Variants in GRID2 observed in about 807,000 individuals in gnomAD.
GRID2 encodes glutamate ionotropic receptor delta type subunit 2.
A neutral mutation model predicts 114.8 loss-of-function variants in GRID2; 33 were observed. That is an observed-to-expected ratio of 0.29 (90% CI 0.22 to 0.38). The LOEUF is 0.38. GRID2 is among the 10% of genes least tolerant of loss of function. The pLI is 1.00. For synonymous variants in GRID2, 505 were observed against 449.9 expected (o/e 1.12, Z -1.55); for missense variants, 1,184 against 1,257.7 (o/e 0.94, Z 0.89).
intron 1 of GRID2, among the ~76,000 whole-genome samples, chr4:92,384,971 G>C (rs9997861): frequency 0.66 from 99,470 of 150,582 alleles, 33,253 homozygotes; most frequent in East Asian, 0.92. Context: ...CAATGGGCTT[G>C]TCACATTTAC....
intron 4 of GRID2, among the ~76,000 whole-genome samples, chr4:93,183,523 T>C (rs1740105161): frequency 6.6e-6 from 1 of 152,208 alleles, no homozygotes; most frequent in Non-Finnish European, 1.5e-5. Flanking sequence ...TTAGGGATTC[T>C]TCATGGCACC....
chr4:93,748,999 G>C (rs1732085253), intron 14 of GRID2, among the ~76,000 whole-genome samples: 1 of 146,402 alleles, frequency 6.8e-6, no homozygotes, highest in Admixed American at 7.2e-5. Context: ...ACATCATTTG[G>C]CCTCAGCTCA....
intron 2 of GRID2, among the ~76,000 whole-genome samples, chr4:92,596,682 C>G (rs574939619): frequency 6.6e-6 from 1 of 151,602 alleles, no homozygotes; most frequent in Non-Finnish European, 1.5e-5. Flanking sequence ...AGAGACAACA[C>G]CAATATGCAT....
At chr4:92,445,133 A>G (rs1733383806) in intron 1 of GRID2, among the ~76,000 whole-genome samples, 1 of 152,230 alleles carries the variant, frequency 6.6e-6, no homozygotes, top group Admixed American at 6.5e-5. Context: ...ATTATTTCAC[A>G]TCTCTTAACT....
intron 13 of GRID2, among the ~76,000 whole-genome samples, chr4:93,518,012 TATACATAC>T (rs1189799969): frequency 2.9e-4 from 13 of 45,200 alleles, no homozygotes; most frequent in African/African-American, 8.0e-4. Context: ...TATGTATGTA[TATACATAC>T]ATGTACATGT....
chr4:92,920,318 G>C (rs550850600), intron 2 of GRID2, among the ~76,000 whole-genome samples: 13 of 152,194 alleles, frequency 8.5e-5, no homozygotes, highest in South Asian at 2.1e-4. Flanking sequence ...CAGACTGTGT[G>C]TTTTAATTGG....
intron 13 of GRID2, among the ~76,000 whole-genome samples, chr4:93,537,183 CTTAG>C (rs752123057): frequency 1.3e-5 from 2 of 151,680 alleles, no homozygotes; most frequent in African/African-American, 2.4e-5. Context: ...CATAACTTTC[CTTAG>C]TTAGTTAAAC....
intron 8 of GRID2, among the ~76,000 whole-genome samples, chr4:93,379,349 G>A (rs1286131070): frequency 6.6e-6 from 1 of 152,016 alleles, no homozygotes. Context: ...TTTGAGGAGG[G>A]TTGCACTTTT....
At chr4:93,517,626 A>G (rs191255178) in intron 13 of GRID2, among the ~76,000 whole-genome samples, 4 of 152,188 alleles carry the variant, frequency 2.6e-5, no homozygotes, top group East Asian at 1.9e-4. Flanking sequence ...GCCAGCTTCT[A>G]TTAAAAAAAC....
intron 8 of GRID2, among the ~76,000 whole-genome samples, chr4:93,312,396 C>G (rs1756113654): frequency 6.6e-6 from 1 of 152,138 alleles, no homozygotes; most frequent in Non-Finnish European, 1.5e-5. Context: ...TAAATTTCCT[C>G]CAGACATAGC....
chr4:92,317,788 A>G (rs1482178040), intron 1 of GRID2, among the ~76,000 whole-genome samples: 1 of 152,194 alleles, frequency 6.6e-6, no homozygotes, highest in Non-Finnish European at 1.5e-5. Flanking sequence ...CCACCAAAGA[A>G]GAATAAGCTG....
intron 2 of GRID2, among the ~76,000 whole-genome samples, chr4:92,618,147 G>A (rs1197568254): frequency 6.6e-6 from 1 of 151,518 alleles, no homozygotes; most frequent in Non-Finnish European, 1.5e-5. Context: ...ATATTTTCTA[G>A]TCTTACATTT....
At chr4:92,510,325 G>A (rs952486141) in intron 1 of GRID2, among the ~76,000 whole-genome samples, 2 of 151,828 alleles carry the variant, frequency 1.3e-5, no homozygotes, top group Non-Finnish European at 2.9e-5. Flanking sequence ...TGAGGAGCTC[G>A]TATTTGAATT....
chr4:92,803,328 A>G (rs977807147), intron 2 of GRID2, among the ~76,000 whole-genome samples: 1 of 151,988 alleles, frequency 6.6e-6, no homozygotes, highest in Non-Finnish European at 1.5e-5. Flanking sequence ...CCCATTAGAT[A>G]TTATACAATG....
intron 4 of GRID2, among the ~76,000 whole-genome samples, chr4:93,171,798 A>G (rs1408097677): frequency 1.3e-5 from 2 of 151,808 alleles, no homozygotes; most frequent in Non-Finnish European, 2.9e-5. Context: ...TTAGCATTAT[A>G]TAACTAATTA....
At chr4:93,521,012 T>C (rs573172860) in intron 13 of GRID2, among the ~76,000 whole-genome samples, 100 of 152,178 alleles carry the variant, frequency 6.6e-4, no homozygotes, top group African/African-American at 2.2e-3. Context: ...AGAGTGATTA[T>C]GGTGAAAGTG....
intron 13 of GRID2, among the ~76,000 whole-genome samples, chr4:93,603,960 A>G (rs1739951486): frequency 6.6e-6 from 1 of 152,110 alleles, no homozygotes; most frequent in Admixed American, 6.5e-5. Context: ...TCCGATGGGG[A>G]TGTACAAGGA....
intron 2 of GRID2, among the ~76,000 whole-genome samples, chr4:92,600,071 T>TATAC (rs1729152223): frequency 7.4e-6 from 1 of 135,556 alleles, no homozygotes; most frequent in African/African-American, 2.7e-5. Context: ...TATATATATA[T>TATAC]ATATATATAT....
At position 93,224,656 on chromosome 4, in the gene GRID2, A is replaced by C; in HGVS notation, c.1006A>C (p.Asn336His). 6.2e-7 allele frequency: 1 copy of C among 1,611,544 alleles called. No homozygotes were observed. Among genetic ancestry groups the C allele is most frequent in the Non-Finnish European group, 8.5e-7 (1 of 1,177,958 alleles). The change falls in exon 7 of 16, where the codon AAT becomes CAT. Residue 336 changes from asparagine to histidine, a missense_variant. Asn to His is a moderately conservative substitution (Grantham distance 68, BLOSUM62 1). Coordinates refer to ENST00000282020, the MANE Select transcript of GRID2 (RefSeq NM_001510.4). ...YIYDTVLLLA[N>H]AFHKKLEDRK... ...ATATGACACGGTGCTTCTGCTTGCT[A>C]ATGCTTTTCATAAGAAGCTGGAGGA...
Sources: gnomAD v4.1 joint callset for allele counts (sites outside exome capture counted in the v4.1 genomes callset) on GRCh38, gnomAD v4.1.1 for gene constraint, MANE v1.5 for transcripts, NCBI Gene and HGNC (gene_info 2026-07-23, HGNC 2026-07-21) for gene names.